Variants in HSP90AB1 observed in about 807,000 individuals in gnomAD.
The protein encoded by HSP90AB1 is heat shock protein HSP 90-beta.
HSP90AB1 carries 17 observed loss-of-function variants against 67.8 expected under a neutral mutation model. The ratio of observed to expected loss-of-function variants is 0.25; its 90% CI spans 0.17 to 0.38. The LOEUF (loss-of-function observed/expected upper bound fraction) is 0.38. Ranked by LOEUF, HSP90AB1 falls within the 10% of genes least tolerant of loss-of-function variation. HSP90AB1 has a pLI of 1.00. For missense variants in HSP90AB1, 690 were observed against 899.9 expected (o/e 0.77, Z 2.98); for synonymous variants, 390 against 312.9 (o/e 1.25, Z -2.60).
chr6:44,249,909 C>T, intron 4 of HSP90AB1, 75 bp downstream of exon 4: 1 of 1,581,926 alleles, frequency 6.3e-7, no homozygotes, highest in Non-Finnish European at 8.6e-7. Flanking sequence ...AAATTTTGGG[C>T]ATCCTGTCTG....
intron 1 of HSP90AB1, among the ~76,000 whole-genome samples, chr6:44,248,234 TA>T (rs1197067185): frequency 1.3e-5 from 2 of 152,118 alleles, no homozygotes; most frequent in African/African-American, 4.8e-5. Context: ...CTCCCCCAAA[TA>T]AAGAACTGTA....
At chr6:44,248,924 A>G (rs1780307725) in intron 2 of HSP90AB1, 148 bp downstream of exon 2, 1 of 754,862 alleles carries the variant, frequency 1.3e-6, no homozygotes, top group Non-Finnish European at 2.2e-6. Context: ...TACTCTGGCC[A>G]TCTTGAACTT....
intron 6 of HSP90AB1, 102 bp from the exon 7 acceptor site, chr6:44,250,946 C>T (rs1007928088): frequency 9.7e-6 from 10 of 1,028,226 alleles, no homozygotes; most frequent in Non-Finnish European, 1.5e-5. Flanking sequence ...GTGCTCTATC[C>T]CTTAGGCTTA....
At position 44,251,749 on chromosome 6, in the gene HSP90AB1, G is replaced by A; in HGVS notation, c.1327G>A (p.Glu443Lys). 2 of 1,613,494 alleles carry A rather than the reference G, an allele frequency of 1.2e-6. No homozygotes were observed. Among genetic ancestry groups the A allele is most frequent in the Non-Finnish European group, 1.7e-6 (2 of 1,179,804 alleles). The stretch of plus-strand genomic sequence containing the variant: ...CCCACCCTTCAAGCTTGGAATCCAC[G>A]AAGACTCCACTAACCGCCGCCGCCT... ...FSKNLKLGIHEDSTNRRRLSE... is the reference protein window; with the variant it reads ...FSKNLKLGIHKDSTNRRRLSE... The change falls in exon 9 of 12, where the codon GAA becomes AAA. Residue 443 changes from glutamate to lysine, a missense_variant. Glu to Lys is a moderately conservative substitution (Grantham distance 56, BLOSUM62 1). Around this residue, in one of 7 missense-constraint regions of HSP90AB1, gnomAD observed 206 missense variants for 221.4 expected, o/e 0.93. Coordinates refer to ENST00000371646, the MANE Select transcript of HSP90AB1 (RefSeq NM_007355.4).
rs765391115 is a variant in HSP90AB1 at position 44,249,524 on chromosome 6, A to T, written c.295A>T (p.Ile99Leu). The change falls in exon 3 of 12, where the codon ATA becomes TTA. Residue 99 changes from isoleucine to leucine, a missense_variant. Transcript: ENST00000371646. ...TGIGMTKADLINNLGTIAKSG... is the reference protein window; with the variant it reads ...TGIGMTKADLLNNLGTIAKSG... ...CATTGGCATGACCAAAGCTGATCTC[A>T]TAAATAATTTGGGAACCATTGCCAA... 6.2e-7 allele frequency: 1 copy of T among 1,610,932 alleles called. No individual in the cohort carries two copies. Among genetic ancestry groups the T allele is most frequent in the East Asian group, 2.2e-5 (1 of 44,862 alleles).
intron 1 of HSP90AB1, 93 bp from the exon 2 acceptor site, chr6:44,248,537 A>G: frequency 8.4e-7 from 1 of 1,184,958 alleles, no homozygotes; most frequent in Non-Finnish European, 1.2e-6. Flanking sequence ...GTCTGAACTC[A>G]CTGTCTAAGG....
In HSP90AB1 at chr6:44,253,554, C is replaced by T; in HGVS notation, c.2131C>T (p.Leu711Phe). The T allele has an allele frequency of 1.9e-6, 3 of 1,614,166 alleles. No individual in the cohort carries two copies. The highest frequency in any genetic ancestry group is 2.2e-5 in the East Asian group (1 of 44,882). ...TGCAGTTCCTGATGAGATCCCCCCT[C>T]TCGAGGGCGATGAGGATGCGTCTCG... The part of the protein sequence containing the change: ...NAAVPDEIPP[L>F]EGDEDASRME... The change falls in exon 12 of 12, where the codon CTC becomes TTC. Residue 711 changes from leucine to phenylalanine, a missense_variant. Around this residue, in one of 7 missense-constraint regions of HSP90AB1, gnomAD observed 120 missense variants for 153.5 expected, o/e 0.78. Transcript: ENST00000371646.
chr6:44,251,123 G>C lies in HSP90AB1; in HGVS notation c.1033G>C (p.Glu345Gln). 6.2e-7 allele frequency: 1 copy of C among 1,614,138 alleles called. No homozygotes were observed. Among genetic ancestry groups the C allele is most frequent in the Non-Finnish European group, 8.5e-7 (1 of 1,179,974 alleles). The change falls in exon 7 of 12, where the codon GAG (glutamate) becomes CAG (glutamine). Residue 345 changes from glutamate to glutamine, a missense_variant. Around this residue, in one of 7 missense-constraint regions of HSP90AB1, gnomAD observed 101 missense variants for 174.8 expected, o/e 0.58. Transcript: ENST00000371646. The part of the protein sequence containing the change: ...IPRRAPFDLF[E>Q]NKKKKNNIKL... ...TCGTCGGGCTCCCTTTGACCTTTTT[G>C]AGAACAAGAAGAAAAAGAACAACAT... is the stretch of plus-strand genomic sequence containing the variant.
upstream of HSP90AB1, chr6:44,246,464 T>G (rs927495327): frequency 3.9e-5 from 6 of 152,308 alleles, no homozygotes; most frequent in African/African-American, 1.2e-4. Flanking sequence ...CTGCTGGAAA[T>G]GCCGCAGTGC....
intron 3 of HSP90AB1, 25 bp from the exon 4 acceptor site, chr6:44,249,650 T>C (rs972249244): frequency 6.2e-7 from 1 of 1,611,516 alleles, no homozygotes; most frequent in Non-Finnish European, 8.5e-7. Context: ...TTAAAACTTG[T>C]GATTGACTTT....
intron 6 of HSP90AB1, 79 bp from the exon 7 acceptor site, chr6:44,250,969 G>C (rs1582985299): frequency 1.6e-6 from 2 of 1,259,820 alleles, no homozygotes; most frequent in East Asian, 4.6e-5. Flanking sequence ...GAGGATCATT[G>C]TTCCACTTTT....
Position 44,253,752 on chromosome 6 carries a change from A to C in HSP90AB1, c.*154A>C, listed in dbSNP as rs1781044048. Reference sequence around the variant, plus strand: ...TCCTTGTGTTGAAGGCAGTAAACTAAGGGTGTCAAGCCCCATTCCCTCTCT... The same window carrying C: ...TCCTTGTGTTGAAGGCAGTAAACTACGGGTGTCAAGCCCCATTCCCTCTCT... On this transcript the variant is annotated 3_prime_UTR_variant, in exon 12 of 12. Coordinates refer to ENST00000371646, the MANE Select transcript of HSP90AB1 (RefSeq NM_007355.4). 1 of 780,432 alleles carries C rather than the reference A, an allele frequency of 1.3e-6. No individual in the cohort carries two copies. Among genetic ancestry groups the C allele is most frequent in the Admixed American group, 1.7e-5 (1 of 58,986 alleles). The allele number at this position is 780,432 out of a possible 1,614,324, so 48.3% of individuals were successfully genotyped here.
chr6:44,248,839 A>G, intron 2 of HSP90AB1, 63 bp downstream of exon 2: 1 of 1,500,984 alleles, frequency 6.7e-7, no homozygotes, highest in Non-Finnish European at 9.1e-7. Flanking sequence ...AAGGAGGGGA[A>G]AGGAGTGGTT....
In HSP90AB1 at chr6:44,253,401, G is replaced by A. The variant is rs1385315219; in HGVS notation, c.2065+23G>A. 1.9e-6 allele frequency: 3 copies of A among 1,604,176 alleles called. No individual in the cohort carries two copies. The Admixed American group carries it at 5.0e-5, about 27-fold the overall frequency. ...TAGGTAAGTAGCTTTGGTACTTGGT[G>A]TGGCAAGGAGTTTGTGCAACTCGTC... is the stretch of plus-strand genomic sequence containing the variant. On this transcript the variant is annotated intron_variant, in intron 11 of 11. Transcript: ENST00000371646.
At chr6:44,249,943 C>T in intron 4 of HSP90AB1, 78 bp from the exon 5 acceptor site, 3 of 1,588,052 alleles carry the variant, frequency 1.9e-6, no homozygotes, top group Non-Finnish European at 2.6e-6. Context: ...CACAGCAGTT[C>T]TGCTGATACT....
chr6:44,252,885 G>A (rs610690), intron 10 of HSP90AB1, among the ~76,000 whole-genome samples, 160 bp from the exon 11 acceptor site: 2,964 of 151,632 alleles, frequency 0.02, 86 homozygotes, highest in African/African-American at 0.068. Context: ...TACCACACCC[G>A]GTTAATTTTT....
chr6:44,251,313 T>C (rs1780615217), intron 7 of HSP90AB1, 100 bp downstream of exon 7: 2 of 1,524,482 alleles, frequency 1.3e-6, no homozygotes, highest in Non-Finnish European at 1.8e-6. Flanking sequence ...CAATACATAG[T>C]AGGTGTAAGG....
At chr6:44,250,198 G>A in intron 5 of HSP90AB1, 44 bp downstream of exon 5, 1 of 1,613,432 alleles carries the variant, frequency 6.2e-7, no homozygotes, top group East Asian at 2.2e-5. Context: ...CGTGCAGGAT[G>A]TTTCCTGTTC....
Position 44,249,830 on chromosome 6 carries a change from C to T in HSP90AB1, c.510C>T (p.Asp170=), listed in dbSNP as rs1561898585. ...SAGGSFTVRA[D]HGEPIGRGTK... is the part of the protein sequence containing the mutation. ...GAGGTTCCTTCACTGTGCGTGCTGA[C>T]CATGGTAAGTTAGCTTTTCTGTTAC... Residue 170 remains aspartate (D), a synonymous_variant, in exon 4 of 12, where the codon GAC becomes GAT. Transcript: ENST00000371646. The T allele has an allele frequency of 6.2e-7, 1 of 1,605,032 alleles. No homozygotes were observed. Among genetic ancestry groups the T allele is most frequent in the African/African-American group, 1.3e-5 (1 of 74,500 alleles).
Sources: allele counts gnomAD v4.1 joint callset (sites outside exome capture counted in the v4.1 genomes callset), GRCh38; gene constraint gnomAD v4.1.1; regional missense constraint gnomAD v4.1.1; transcripts MANE v1.5; gene names NCBI Gene and HGNC (gene_info 2026-07-23, HGNC 2026-07-21).